The following EFCAB7 variants were observed in gnomAD, a reference collection of about 807,000 sequenced individuals.
EFCAB7 encodes the protein EF-hand calcium binding domain 7.
EFCAB7 carries 66 observed loss-of-function variants against 77.1 expected under a neutral mutation model. The ratio of observed to expected loss-of-function variants is 0.86; its 90% CI spans 0.70 to 1.05. The LOEUF (loss-of-function observed/expected upper bound fraction) is 1.05, where lower values mean the gene tolerates loss of function less well. Among genes scored for constraint, EFCAB7 ranks in the 50% least tolerant of loss-of-function variants. The pLI is 0.00. For missense variants in EFCAB7, 638 were observed against 730.5 expected (o/e 0.87, Z 1.46); for synonymous variants, 225 against 243.3 (o/e 0.92, Z 0.70).
At chr1:63,562,613 C>T (rs1302962838) in intron 11 of EFCAB7, among the ~76,000 whole-genome samples, 1 of 149,386 alleles carries the variant, frequency 6.7e-6, no homozygotes, top group Non-Finnish European at 1.5e-5. Flanking sequence ...AAGCCTCCTG[C>T]CTCAGCCTCC....
At position 63,555,525 on chromosome 1, in the gene EFCAB7, GTT is replaced by G; in HGVS notation, c.1214+12_1214+13del. ...TTACAAAGGAATTTAAGTAAGTTTT[GTT>G]TATTAATGTTAGAATTATAACATCT... On this transcript the variant is annotated intron_variant, in intron 9 of 13. Coordinates refer to ENST00000371088, the MANE Select transcript of EFCAB7 (RefSeq NM_032437.4). 1 of 1,607,618 alleles carries G rather than the reference GTT, an allele frequency of 6.2e-7. No homozygotes were observed.
chr1:63,575,107 C>G (rs973590438), downstream of EFCAB7, among the ~76,000 whole-genome samples: 1 of 152,046 alleles, frequency 6.6e-6, no homozygotes, highest in Non-Finnish European at 1.5e-5. Flanking sequence ...AACTAATTAT[C>G]TAACATGCAG....
the EFCAB7 span, among the ~76,000 whole-genome samples, chr1:63,581,382 TAAA>T: frequency 5.5e-4 from 54 of 99,020 alleles, no homozygotes; most frequent in East Asian, 1.3e-3. Context: ...TCCCGTCTCT[TAAA>T]AAAAAAAAAA....
chr1:63,526,421 CTT>C (rs1319533382), intron 2 of EFCAB7, among the ~76,000 whole-genome samples: 1 of 152,088 alleles, frequency 6.6e-6, no homozygotes, highest in African/African-American at 2.4e-5. Flanking sequence ...AGGCTAATAA[CTT>C]TATGGGTAGA....
rs10605515 is a variant in EFCAB7, at chr1:63,571,670, C to CAAAAAA, written c.1815+562_1815+567dup. 1.7e-3 allele frequency among the ~76,000 whole-genome samples: 108 copies of CAAAAAA among 65,340 alleles called. 1 individual carries two copies. Among genetic ancestry groups the CAAAAAA allele is most frequent in the African/African-American group, 6.3e-3 (97 of 15,336 alleles). The allele number at this position is 65,340 out of a possible 152,430, so 42.9% of individuals were successfully genotyped here. The stretch of plus-strand genomic sequence containing the variant: ...GAGCGACAAGAGTGAGACTCTGTCT[C>CAAAAAA]AAAAAAAAAAAAAAAAAAAAAAAAA... On this transcript the variant is annotated intron_variant, in intron 13 of 13. Coordinates refer to ENST00000371088, the MANE Select transcript of EFCAB7 (RefSeq NM_032437.4).
At chr1:63,564,827 G>A (rs1283920933) in intron 11 of EFCAB7, among the ~76,000 whole-genome samples, 1 of 152,162 alleles carries the variant, frequency 6.6e-6, no homozygotes, top group Non-Finnish European at 1.5e-5. Flanking sequence ...CAGGGCTACA[G>A]TAACCAAAAC....
chr1:63,551,705 G>C lies in EFCAB7; in HGVS notation c.947-20G>C. 1 of 1,323,790 alleles carries C rather than the reference G, an allele frequency of 7.6e-7. No homozygotes were observed. The highest frequency in any genetic ancestry group is 1.0e-6 in the Non-Finnish European group (1 of 969,002). The allele number at this position is 1,323,790 out of a possible 1,614,324, so 82.0% of individuals were successfully genotyped here. A position where few individuals can be genotyped will look rare whatever the true frequency, so the allele number is the denominator to read the frequency against. On this transcript the variant is annotated intron_variant, in intron 7 of 13. Transcript: ENST00000371088. The stretch of plus-strand genomic sequence containing the variant: ...TGATTGCTTATTTTAAGGTGTTTGG[G>C]CTTTTTTTTTTGTTTGTAGGAAAAC...
intron 2 of EFCAB7, among the ~76,000 whole-genome samples, chr1:63,531,316 A>T (rs1557670207): frequency 6.6e-6 from 1 of 151,926 alleles, no homozygotes; most frequent in African/African-American, 2.4e-5. Flanking sequence ...TTCACTTAAC[A>T]TGTTGTCCTC....
intron 8 of EFCAB7, 178 bp from the exon 9 acceptor site, chr1:63,555,180 A>G: frequency 3.3e-6 from 2 of 597,836 alleles, no homozygotes; most frequent in East Asian, 3.2e-5. Flanking sequence ...TGGGATTACC[A>G]TTAACAAAAA....
At chr1:63,559,301 CAAAAAAAAA>C (rs71052490) in intron 10 of EFCAB7, among the ~76,000 whole-genome samples, 2 of 62,236 alleles carry the variant, frequency 3.2e-5, no homozygotes, top group Non-Finnish European at 5.9e-5. Flanking sequence ...GACTCTGTCT[CAAAAAAAAA>C]AAAAAAAAAA....
chr1:63,566,741 A>G (rs925294987), intron 11 of EFCAB7, among the ~76,000 whole-genome samples: 2 of 151,676 alleles, frequency 1.3e-5, no homozygotes, highest in Non-Finnish European at 2.9e-5. Flanking sequence ...ATGTGTATGA[A>G]AAATAAACCC....
At chr1:63,525,791 T>A (rs1210237669) in intron 2 of EFCAB7, 32 bp downstream of exon 2, 3 of 1,431,944 alleles carry the variant, frequency 2.1e-6, no homozygotes, top group Non-Finnish European at 2.8e-6. Flanking sequence ...ATCTTTCACC[T>A]TTTTGTTGAA....
At chr1:63,524,681 G>A (rs1646549569) in intron 1 of EFCAB7, among the ~76,000 whole-genome samples, 1 of 152,176 alleles carries the variant, frequency 6.6e-6, no homozygotes, top group South Asian at 2.1e-4. Context: ...ATACCCCATA[G>A]TAACCATTGT....
chr1:63,532,837 A>G, intron 4 of EFCAB7, 81 bp downstream of exon 4: 2 of 1,102,418 alleles, frequency 1.8e-6, no homozygotes, highest in Non-Finnish European at 2.7e-6. Context: ...ATTAAGGTAT[A>G]ATTGACATTA....
At chr1:63,577,130 G>A (rs571256465), downstream of EFCAB7, among the ~76,000 whole-genome samples, 4 of 148,616 alleles carry the variant, frequency 2.7e-5, no homozygotes, top group African/African-American at 1.0e-4. Flanking sequence ...GGGTGACAGA[G>A]TAAGACTCAA....
In EFCAB7 at chr1:63,533,458, G is replaced by A. The variant is rs1195483774; in HGVS notation, c.491G>A (p.Cys164Tyr). The change falls in exon 5 of 14, where the codon TGT becomes TAT. Residue 164 changes from cysteine (C) to tyrosine (Y), a missense_variant. By Grantham distance (194) the Cys-to-Tyr change is radical. Transcript: ENST00000371088. ...ADGKFDYIKF[C>Y]KLYMTTNEQC... ...TGGACTTTTTTTTTCCTGTAGTTTT[G>A]TAAATTATATATGACAACCAACGAG... The A allele has an allele frequency of 4.4e-6, 7 of 1,593,004 alleles. No individual in the cohort carries two copies. The Admixed American group carries it at 7.5e-5, about 17-fold the overall frequency.
chr1:63,544,760 A>G (rs1462987719), intron 6 of EFCAB7, among the ~76,000 whole-genome samples: 1 of 152,040 alleles, frequency 6.6e-6, no homozygotes, highest in African/African-American at 2.4e-5. Context: ...CACTTGAAGC[A>G]ATTATTTTGC....
At chr1:63,564,323 TAAAAC>T (rs1469719772) in intron 11 of EFCAB7, among the ~76,000 whole-genome samples, 2 of 151,984 alleles carry the variant, frequency 1.3e-5, no homozygotes, top group African/African-American at 4.8e-5. Flanking sequence ...AAAGAAAAAA[TAAAAC>T]TATAGGGCAG....
chr1:63,575,312 A>T (rs764997520), downstream of EFCAB7, among the ~76,000 whole-genome samples: 10 of 151,938 alleles, frequency 6.6e-5, no homozygotes, highest in Admixed American at 1.3e-4. Context: ...ACTTTTTTTT[A>T]AAAAAGTCAG....
Sources: gnomAD v4.1 joint callset for allele counts (sites outside exome capture counted in the v4.1 genomes callset) on GRCh38, gnomAD v4.1.1 for gene constraint, MANE v1.5 for transcripts, NCBI Gene and HGNC (gene_info 2026-07-23, HGNC 2026-07-21) for gene names.